The following PTPRD variants were observed in gnomAD, a reference collection of about 807,000 sequenced individuals.
The protein encoded by PTPRD is protein tyrosine phosphatase receptor type D.
A neutral mutation model predicts 214.5 loss-of-function variants in PTPRD; 34 were observed. The ratio of observed to expected loss-of-function variants is 0.16; its 90% CI spans 0.12 to 0.21. The LOEUF (loss-of-function observed/expected upper bound fraction) is 0.21. Among genes scored for constraint, PTPRD ranks in the 10% least tolerant of loss-of-function variants. The pLI is 1.00. For synonymous variants in PTPRD, 1,128 were observed against 845.7 expected (o/e 1.33, Z -5.79); for missense variants, 2,545 against 2,398.7 (o/e 1.06, Z -1.27).
Position 8,316,667 on chromosome 9 carries a change from G to T in PTPRD, c.*1207C>A, listed in dbSNP as rs546229725. 155 of 230,646 alleles carry T rather than the reference G, an allele frequency of 6.7e-4. No individual in the cohort carries two copies. The highest frequency in any genetic ancestry group is 5.2e-3 in the Middle Eastern group (4 of 766). The allele number at this position is 230,646 out of a possible 1,614,324, so 14.3% of individuals were successfully genotyped here. A position where few individuals can be genotyped will look rare whatever the true frequency, so the allele number is the denominator to read the frequency against. On this transcript the variant is annotated 3_prime_UTR_variant, in exon 46 of 46. Coordinates refer to ENST00000381196, the MANE Select transcript of PTPRD (RefSeq NM_002839.4). Reference sequence around the variant, plus strand: ...AGTGTTAGAAATATTGAACTTTGTTGGAAGCCTGACTAACAAACAAACAAA... The same window carrying T: ...AGTGTTAGAAATATTGAACTTTGTTTGAAGCCTGACTAACAAACAAACAAA...
At chr9:9,833,946 A>C (rs1293002685) in intron 5 of PTPRD, among the ~76,000 whole-genome samples, 1 of 152,004 alleles carries the variant, frequency 6.6e-6, no homozygotes, top group Non-Finnish European at 1.5e-5. Context: ...TTTGTAGTTA[A>C]CGCAATTATT....
At chr9:9,269,596 A>G (rs539603573) in intron 9 of PTPRD, among the ~76,000 whole-genome samples, 2 of 151,614 alleles carry the variant, frequency 1.3e-5, no homozygotes, top group South Asian at 2.1e-4. Context: ...AAGATAAAAT[A>G]TAAGTGTTCA....
intron 11 of PTPRD, among the ~76,000 whole-genome samples, chr9:8,869,732 GA>G (rs201895275): frequency 0.015 from 2,042 of 135,934 alleles, 15 homozygotes; most frequent in Middle Eastern, 0.027. Context: ...TTCTTAAAAG[GA>G]AAAAAAAAAA....
Position 10,286,289 on chromosome 9 carries a change from A to G in PTPRD, c.-545+54674T>C, listed in dbSNP as rs116076623. On this transcript the variant is annotated intron_variant, in intron 3 of 45. Transcript: ENST00000381196. ...AACCCCGTCTCTACAAAAAAATTCA[A>G]AAATTAGCCAGGCATAGTGATATGT... Among the ~76,000 whole-genome samples, 1,032 of 152,156 alleles carry G rather than the reference A, an allele frequency of 6.8e-3. 14 individuals are homozygous for G. The highest frequency in any genetic ancestry group is 0.024 in the African/African-American group (1,006 of 41,504).
intron 11 of PTPRD, among the ~76,000 whole-genome samples, chr9:8,899,513 C>G (rs149501463): frequency 6.6e-6 from 1 of 152,216 alleles, no homozygotes; most frequent in Non-Finnish European, 1.5e-5. Context: ...AGAAAGGTCT[C>G]AAAGCAGAAA....
At chr9:9,201,573 G>T (rs2099941877) in intron 9 of PTPRD, among the ~76,000 whole-genome samples, 1 of 151,978 alleles carries the variant, frequency 6.6e-6, no homozygotes, top group Non-Finnish European at 1.5e-5. Context: ...AAAAAACATT[G>T]ATTTCCTATT....
At chr9:8,440,888 T>C (rs768056881) in intron 34 of PTPRD, among the ~76,000 whole-genome samples, 3 of 152,202 alleles carry the variant, frequency 2.0e-5, no homozygotes, top group Non-Finnish European at 4.4e-5. Context: ...TTTCACTTTA[T>C]ACAAGAGGAC....
At chr9:10,502,413 ATAAT>A (rs1566563103) in intron 2 of PTPRD, among the ~76,000 whole-genome samples, 1 of 152,160 alleles carries the variant, frequency 6.6e-6, no homozygotes, top group South Asian at 2.1e-4. Context: ...ATATGTTATT[ATAAT>A]TAATTTAGCT....
chr9:9,525,347 C>A (rs1444254577), intron 8 of PTPRD, among the ~76,000 whole-genome samples: 4 of 152,088 alleles, frequency 2.6e-5, no homozygotes, highest in Non-Finnish European at 2.9e-5. Flanking sequence ...ATATTTCAAC[C>A]AAGGATGATT....
rs1555388978 is a variant in PTPRD, at chr9:9,954,297, C to CCAAA, written c.-471-15688_-471-15687insTTTG. Among the ~76,000 whole-genome samples the CCAAA allele has an allele frequency of 6.8e-3, 366 of 53,784 alleles. 28 individuals carry two copies. Among genetic ancestry groups the CCAAA allele is most frequent in the African/African-American group, 0.018 (348 of 19,472 alleles). 35.3% of individuals were successfully genotyped at this position (53,784 alleles called of 152,430 possible). ...GACAGATTGAGACTCTGTCTCAAAA[C>CCAAA]AAAAAAAAAAAAAAAAAAAAAAAAA... is the stretch of plus-strand genomic sequence containing the variant. On this transcript the variant is annotated intron_variant, in intron 4 of 45. Coordinates refer to ENST00000381196, the MANE Select transcript of PTPRD (RefSeq NM_002839.4).
chr9:9,106,156 A>G (rs909396694), intron 10 of PTPRD, among the ~76,000 whole-genome samples: 1 of 152,084 alleles, frequency 6.6e-6, no homozygotes, highest in African/African-American at 2.4e-5. Context: ...TTAGTGGGTC[A>G]CTGTGTTATA....
At chr9:10,519,056 A>T (rs1266751274) in intron 2 of PTPRD, among the ~76,000 whole-genome samples, 1 of 151,830 alleles carries the variant, frequency 6.6e-6, no homozygotes, top group Non-Finnish European at 1.5e-5. Context: ...CAGCTTTCTG[A>T]TACTACAAAT....
At chr9:9,338,004 T>G (rs1181521017) in intron 9 of PTPRD, among the ~76,000 whole-genome samples, 2 of 152,212 alleles carry the variant, frequency 1.3e-5, no homozygotes, top group Non-Finnish European at 2.9e-5. Context: ...ATAACTTTGA[T>G]CAAAACAACA....
chr9:8,815,741 A>G (rs754475808), intron 11 of PTPRD, among the ~76,000 whole-genome samples: 8 of 152,158 alleles, frequency 5.3e-5, no homozygotes, highest in Non-Finnish European at 1.0e-4. Flanking sequence ...GTGTTGATAC[A>G]ATTCTTTAGT....
intron 2 of PTPRD, among the ~76,000 whole-genome samples, chr9:10,370,097 A>G (rs1222340416): frequency 6.6e-6 from 1 of 152,126 alleles, no homozygotes; most frequent in African/African-American, 2.4e-5. Context: ...ACAGCTCACA[A>G]TGGAACAAAG....
intron 11 of PTPRD, among the ~76,000 whole-genome samples, chr9:8,870,687 A>AACACACACACACACACACACAC (rs3046878): frequency 1.1e-4 from 15 of 131,468 alleles, no homozygotes; most frequent in South Asian, 8.6e-4. Flanking sequence ...ACAGACATGA[A>AACACACACACACACACACACAC]ACACACACAC....
intron 3 of PTPRD, among the ~76,000 whole-genome samples, chr9:10,103,808 G>A (rs2154217321): frequency 6.6e-6 from 1 of 151,718 alleles, no homozygotes; most frequent in South Asian, 2.1e-4. Context: ...CTTGCTTGGT[G>A]TTCTCAAGAA....
chr9:9,713,959 T>A (rs4378017), intron 7 of PTPRD, among the ~76,000 whole-genome samples: 1 of 151,726 alleles, frequency 6.6e-6, no homozygotes, highest in Non-Finnish European at 1.5e-5. Flanking sequence ...GTTACCCTCC[T>A]TACTTGTAGA....
chr9:9,838,704 A>ATT, intron 5 of PTPRD, among the ~76,000 whole-genome samples: 1 of 151,904 alleles, frequency 6.6e-6, no homozygotes, highest in African/African-American at 2.4e-5. Flanking sequence ...ATTTTCTCCC[A>ATT]TTTTTTTAGG....
Sources: gnomAD v4.1 joint callset for allele counts (sites outside exome capture counted in the v4.1 genomes callset) on GRCh38, gnomAD v4.1.1 for gene constraint, MANE v1.5 for transcripts, NCBI Gene and HGNC (gene_info 2026-07-23, HGNC 2026-07-21) for gene names.